INSL6: variants seen among roughly 807,000 people sequenced by gnomAD.
INSL6 encodes the protein insulin like 6.
INSL6 carries 16 observed loss-of-function variants against 9.4 expected under a neutral mutation model. That is an observed-to-expected ratio of 1.70 (90% confidence interval 1.15 to 2.59). INSL6 has a LOEUF of 2.59. INSL6 is among the 30% of genes most tolerant of loss of function. The pLI is 0.00. For synonymous variants in INSL6, 154 were observed against 96.9 expected (o/e 1.59, Z -3.46); for missense variants, 391 against 257.3 (o/e 1.52, Z -3.56).
At chr9:5,176,552 A>G (rs1423050531) in intron 1 of INSL6, among the ~76,000 whole-genome samples, 1 of 152,212 alleles carries the variant, frequency 6.6e-6, no homozygotes, top group Non-Finnish European at 1.5e-5. Context: ...ATGCGAAAAG[A>G]AGACCTTAAT....
chr9:5,178,579 C>T (rs12343038), intron 1 of INSL6, among the ~76,000 whole-genome samples: 58,199 of 152,054 alleles, frequency 0.38, 12,635 homozygotes, highest in African/African-American at 0.61. Context: ...TCTGTGGTTT[C>T]CTACATCACA....
chr9:5,006,188 TCTC>T, the INSL6 span, among the ~76,000 whole-genome samples: 1 of 152,152 alleles, frequency 6.6e-6, no homozygotes, highest in East Asian at 1.9e-4. Flanking sequence ...GGTTTGTAGT[TCTC>T]CTTGAAGAGG....
the INSL6 span, among the ~76,000 whole-genome samples, chr9:5,003,574 T>C: frequency 6.6e-6 from 1 of 152,114 alleles, no homozygotes; most frequent in African/African-American, 2.4e-5. Flanking sequence ...TCTTGCATCT[T>C]GTGACTTTGC....
the INSL6 span, chr9:5,097,396 C>G: frequency 3.9e-5 from 6 of 152,142 alleles, no homozygotes; most frequent in Admixed American, 2.0e-4. Context: ...TATCCTTATT[C>G]TATCAGGCTT....
the INSL6 span, among the ~76,000 whole-genome samples, chr9:5,057,262 T>C: frequency 6.6e-6 from 1 of 152,138 alleles, no homozygotes; most frequent in African/African-American, 2.4e-5. Context: ...TACCAAATTA[T>C]TTATGGATAT....
chr9:5,034,824 G>T, the INSL6 span, among the ~76,000 whole-genome samples: 1 of 152,096 alleles, frequency 6.6e-6, no homozygotes, highest in Non-Finnish European at 1.5e-5. Flanking sequence ...ACAATTAAAA[G>T]AACTAGAAAA....
chr9:5,116,948 A>G, the INSL6 span, among the ~76,000 whole-genome samples: 4 of 152,236 alleles, frequency 2.6e-5, no homozygotes, highest in East Asian at 1.9e-4. Context: ...TTTATGTAAG[A>G]TAACTAAGAT....
intron 2 of INSL6, among the ~76,000 whole-genome samples, chr9:5,142,400 T>G (rs911163898): frequency 6.6e-6 from 1 of 152,194 alleles, no homozygotes; most frequent in Admixed American, 6.5e-5. Context: ...GAGCAGTTGT[T>G]TGTAGTTCTC....
At chr9:5,066,099 G>A in the INSL6 span, among the ~76,000 whole-genome samples, 1 of 152,060 alleles carries the variant, frequency 6.6e-6, no homozygotes, top group Non-Finnish European at 1.5e-5. Context: ...TTAGAAATAT[G>A]GTGATAAGTG....
intron 1 of INSL6, among the ~76,000 whole-genome samples, chr9:5,171,908 C>A (rs1412185397): frequency 6.6e-6 from 1 of 152,140 alleles, no homozygotes; most frequent in Non-Finnish European, 1.5e-5. Context: ...GGCCATCCTG[C>A]CCAAAGTAAT....
the INSL6 span, among the ~76,000 whole-genome samples, chr9:4,999,171 G>T: frequency 6.6e-5 from 10 of 152,254 alleles, 1 homozygote; most frequent in South Asian, 2.1e-3. Context: ...TACTTCTGAC[G>T]CTGGCCCAAG....
the INSL6 span, among the ~76,000 whole-genome samples, chr9:5,064,030 C>T: frequency 3.9e-5 from 6 of 152,044 alleles, no homozygotes; most frequent in African/African-American, 1.4e-4. Context: ...TTGGCGTGTG[C>T]CTGTAATCCC....
the INSL6 span, among the ~76,000 whole-genome samples, chr9:5,021,502 T>C: frequency 6.6e-6 from 1 of 152,252 alleles, no homozygotes; most frequent in Admixed American, 6.5e-5. Context: ...GCATTGTGCT[T>C]TGTATGTAGT....
At chr9:4,993,200 C>G in the INSL6 span, among the ~76,000 whole-genome samples, 2 of 152,180 alleles carry the variant, frequency 1.3e-5, no homozygotes, top group Non-Finnish European at 2.9e-5. Flanking sequence ...CCCCTAAGCT[C>G]TGTGTGAGTC....
the INSL6 span, chr9:5,089,757 G>A: frequency 1.3e-6 from 2 of 1,592,922 alleles, no homozygotes; most frequent in East Asian, 2.3e-5. Context: ...AAAAGCTTCA[G>A]CATAGTACTG....
intron 2 of INSL6, among the ~76,000 whole-genome samples, chr9:5,156,675 C>A (rs1380247625): frequency 1.3e-5 from 2 of 151,890 alleles, no homozygotes; most frequent in Non-Finnish European, 2.9e-5. Flanking sequence ...AAGTCCTAGG[C>A]AATGCAATGA....
the INSL6 span, among the ~76,000 whole-genome samples, chr9:5,002,547 C>T: frequency 6.6e-6 from 1 of 151,904 alleles, no homozygotes; most frequent in African/African-American, 2.4e-5. Context: ...TATGGACCAA[C>T]CTATGGTATA....
the INSL6 span, among the ~76,000 whole-genome samples, chr9:5,042,393 T>G: frequency 3.3e-5 from 5 of 151,980 alleles, no homozygotes; most frequent in African/African-American, 1.2e-4. Context: ...CGCCTCGGCC[T>G]CCCAAAGTGC....
the INSL6 span, among the ~76,000 whole-genome samples, chr9:5,008,885 C>G: frequency 2.0e-5 from 3 of 152,102 alleles, no homozygotes; most frequent in Non-Finnish European, 4.4e-5. Flanking sequence ...TTATTTCTTA[C>G]TTTTATGCTC....
Sources: gnomAD v4.1 joint callset for allele counts (sites outside exome capture counted in the v4.1 genomes callset) on GRCh38, gnomAD v4.1.1 for gene constraint, MANE v1.5 for transcripts, NCBI Gene and HGNC (gene_info 2026-07-23, HGNC 2026-07-21) for gene names.